The following OXR1 variants were observed in gnomAD, a reference collection of about 807,000 sequenced individuals.
OXR1 encodes the protein oxidation resistance protein 1.
OXR1 carries 41 observed loss-of-function variants against 104.6 expected under a neutral mutation model. The ratio of observed to expected loss-of-function variants is 0.39; its 90% CI spans 0.31 to 0.51. The LOEUF is 0.51. Among genes scored for constraint, OXR1 ranks in the 20% least tolerant of loss-of-function variants. OXR1 has a pLI of 0.77. For synonymous variants in OXR1, 348 were observed against 348.4 expected, an observed-to-expected ratio of 1.00 and a Z score of 0.01; for missense variants, 955 against 1,031.9, an observed-to-expected ratio of 0.93 and a Z score of 1.02.
chr8:106,698,005 G>T, intron 7 of OXR1: 1 of 1,612,546 alleles, frequency 6.2e-7, no homozygotes, highest in Non-Finnish European at 8.5e-7. Context: ...CAGGTCCCCT[G>T]TTGGCCATTC....
At chr8:106,499,786 T>C (rs1811660073) in intron 2 of OXR1, among the ~76,000 whole-genome samples, 1 of 152,200 alleles carries the variant, frequency 6.6e-6, no homozygotes, top group Admixed American at 6.5e-5. Context: ...GGGTTCTGAC[T>C]CCAGCAATAC....
intron 2 of OXR1, among the ~76,000 whole-genome samples, chr8:106,497,043 A>C (rs147051768): frequency 4.5e-4 from 68 of 152,288 alleles, no homozygotes; most frequent in Admixed American, 1.8e-3. Context: ...ATTGAGATTG[A>C]ATTTCCTGCC....
intron 2 of OXR1, among the ~76,000 whole-genome samples, chr8:106,510,441 C>G (rs967755060): frequency 6.6e-6 from 1 of 152,114 alleles, no homozygotes; most frequent in African/African-American, 2.4e-5. Flanking sequence ...GGAATATAAA[C>G]AAACCAGCTG....
At chr8:106,624,342 G>A (rs1373308524) in intron 3 of OXR1, among the ~76,000 whole-genome samples, 4 of 152,186 alleles carry the variant, frequency 2.6e-5, no homozygotes, top group African/African-American at 7.2e-5. Context: ...CTGGAGTAGG[G>A]TAGGGCAGTG....
At chr8:106,317,679 G>A (rs1220670411) in intron 1 of OXR1, among the ~76,000 whole-genome samples, 2 of 152,038 alleles carry the variant, frequency 1.3e-5, no homozygotes, top group African/African-American at 4.8e-5. Flanking sequence ...TTCTGGGTAT[G>A]TCCTGTTTCT....
chr8:106,551,071 A>G (rs546054758), intron 3 of OXR1, among the ~76,000 whole-genome samples: 1 of 152,296 alleles, frequency 6.6e-6, no homozygotes, highest in South Asian at 2.1e-4. Context: ...TTCCTTCCTC[A>G]GTGCATCCAT....
intron 3 of OXR1, among the ~76,000 whole-genome samples, chr8:106,533,421 T>C (rs1814236590): frequency 6.6e-6 from 1 of 152,190 alleles, no homozygotes; most frequent in African/African-American, 2.4e-5. Context: ...ATGAAAGCTA[T>C]GTTGGGAATG....
chr8:106,494,909 C>T (rs1309055863), intron 2 of OXR1, among the ~76,000 whole-genome samples: 1 of 152,128 alleles, frequency 6.6e-6, no homozygotes, highest in South Asian at 2.1e-4. Flanking sequence ...TTATTACTTA[C>T]ATCCCCCAGT....
At chr8:106,568,758 TA>T (rs1283158475) in intron 3 of OXR1, among the ~76,000 whole-genome samples, 1 of 152,152 alleles carries the variant, frequency 6.6e-6, no homozygotes, top group African/African-American at 2.4e-5. Context: ...TCCCAATTTT[TA>T]AAATTAATAC....
chr8:106,745,614 G>A (rs921278917), intron 15 of OXR1, among the ~76,000 whole-genome samples, 175 bp from the exon 16 acceptor site: 3 of 152,044 alleles, frequency 2.0e-5, no homozygotes, highest in Admixed American at 2.0e-4. Context: ...TTCAAATTTA[G>A]TCATATAAAC....
At chr8:106,623,042 G>A (rs35029850) in intron 3 of OXR1, among the ~76,000 whole-genome samples, 6,848 of 152,198 alleles carry the variant, frequency 0.045, 189 homozygotes, top group South Asian at 0.077. Context: ...CTAAGCAAGC[G>A]TCAGAGCTAA....
At chr8:106,494,052 TA>T (rs1479120742) in intron 2 of OXR1, among the ~76,000 whole-genome samples, 4 of 152,200 alleles carry the variant, frequency 2.6e-5, no homozygotes, top group African/African-American at 9.7e-5. Context: ...TGAAAGAGTT[TA>T]AATCTCTGAA....
At chr8:106,567,320 G>A (rs925790780) in intron 3 of OXR1, among the ~76,000 whole-genome samples, 1 of 152,078 alleles carries the variant, frequency 6.6e-6, no homozygotes, top group Admixed American at 6.6e-5. Context: ...AAATTCCTCA[G>A]GTTTTAAAAT....
intron 1 of OXR1, among the ~76,000 whole-genome samples, chr8:106,312,878 G>A (rs190186481): frequency 1.9e-3 from 285 of 152,212 alleles, no homozygotes; most frequent in African/African-American, 6.5e-3. Context: ...TTGTGTATGT[G>A]TCCAGTGTTT....
At chr8:106,670,096 G>A (rs984343421) in intron 3 of OXR1, among the ~76,000 whole-genome samples, 1 of 152,176 alleles carries the variant, frequency 6.6e-6, no homozygotes, top group Non-Finnish European at 1.5e-5. Flanking sequence ...ACCAAAAGGT[G>A]CATTTGACAG....
intron 3 of OXR1, among the ~76,000 whole-genome samples, chr8:106,548,560 G>A (rs1183859227): frequency 6.6e-6 from 1 of 152,146 alleles, no homozygotes; most frequent in Admixed American, 6.5e-5. Context: ...AGAAACATGA[G>A]CAAATATTAT....
chr8:106,403,628 T>G (rs537342542), intron 2 of OXR1, among the ~76,000 whole-genome samples: 106 of 152,324 alleles, frequency 7.0e-4, no homozygotes, highest in African/African-American at 2.5e-3. Context: ...AGCCTTTGAA[T>G]TTTTTCCTCT....
intron 1 of OXR1, among the ~76,000 whole-genome samples, chr8:106,300,297 C>G (rs1179140364): frequency 6.6e-6 from 1 of 151,920 alleles, no homozygotes; most frequent in African/African-American, 2.4e-5. Context: ...CCCATGGTTG[C>G]TTTGTATGTA....
intron 4 of OXR1, among the ~76,000 whole-genome samples, chr8:106,681,668 G>A (rs976289255): frequency 2.0e-5 from 3 of 152,038 alleles, no homozygotes; most frequent in African/African-American, 7.2e-5. Flanking sequence ...GGGACTACAG[G>A]CATGCATCAC....
Sources: gnomAD v4.1 joint callset for allele counts (sites outside exome capture counted in the v4.1 genomes callset) on GRCh38, gnomAD v4.1.1 for gene constraint, MANE v1.5 for transcripts, NCBI Gene and HGNC (gene_info 2026-07-23, HGNC 2026-07-21) for gene names.